The following ROBO1 variants were observed in gnomAD, a reference collection of about 807,000 sequenced individuals.
The protein encoded by ROBO1 is roundabout guidance receptor 1.
In ROBO1, 149 loss-of-function variants were observed where a neutral mutation model predicts 195.9. That is an observed-to-expected ratio of 0.76 (90% CI 0.67 to 0.87). ROBO1 has a LOEUF of 0.87. Among genes scored for constraint, ROBO1 ranks in the 40% least tolerant of loss-of-function variants. The probability of loss-of-function intolerance (pLI) is 0.00; values close to 1 mark genes in which losing one functional copy is unlikely to be tolerated. For missense variants in ROBO1, 1,933 were observed against 2,068.3 expected (o/e 0.93, Z 1.27); for synonymous variants, 816 against 733.2 (o/e 1.11, Z -1.82).
chr3:79,609,207 G>C (rs554999921), intron 1 of ROBO1, among the ~76,000 whole-genome samples: 4 of 151,020 alleles, frequency 2.6e-5, no homozygotes, highest in Non-Finnish European at 5.9e-5. Flanking sequence ...AAAAAGGCCC[G>C]CCTTACCAAA....
chr3:79,079,497 G>A (rs1258675481), intron 3 of ROBO1, among the ~76,000 whole-genome samples: 1 of 151,778 alleles, frequency 6.6e-6, no homozygotes, highest in Non-Finnish European at 1.5e-5. Flanking sequence ...AGAGACTGCT[G>A]TAATGTCAAA....
At chr3:78,751,095 A>G (rs1332209209) in intron 4 of ROBO1, among the ~76,000 whole-genome samples, 3 of 152,214 alleles carry the variant, frequency 2.0e-5, no homozygotes, top group Non-Finnish European at 2.9e-5. Context: ...CCACTATCCA[A>G]TCTTGGTAGG....
At chr3:79,550,976 A>G (rs751412803) in intron 2 of ROBO1, among the ~76,000 whole-genome samples, 6 of 152,096 alleles carry the variant, frequency 3.9e-5, no homozygotes, top group Non-Finnish European at 5.9e-5. Flanking sequence ...TGGGTTAGCT[A>G]TAAAAGAACC....
intron 8 of ROBO1, among the ~76,000 whole-genome samples, chr3:78,694,068 A>C (rs2081234724): frequency 6.6e-6 from 1 of 152,250 alleles, no homozygotes; most frequent in African/African-American, 2.4e-5. Flanking sequence ...GAAAAAAGTG[A>C]ATAAATTACA....
intron 4 of ROBO1, among the ~76,000 whole-genome samples, chr3:78,862,490 C>A (rs2034913183): frequency 6.6e-6 from 1 of 152,122 alleles, no homozygotes; most frequent in Non-Finnish European, 1.5e-5. Context: ...AGACTTCTGA[C>A]CTACATAAAT....
chr3:78,797,175 C>T (rs983077225), intron 4 of ROBO1, among the ~76,000 whole-genome samples: 17 of 152,134 alleles, frequency 1.1e-4, no homozygotes, highest in African/African-American at 3.6e-4. Flanking sequence ...AACTAGCCAT[C>T]GTACCTGCAT....
chr3:79,173,750 A>G (rs1257145810), intron 2 of ROBO1, among the ~76,000 whole-genome samples: 1 of 152,148 alleles, frequency 6.6e-6, no homozygotes, highest in Non-Finnish European at 1.5e-5. Flanking sequence ...CTGTGGCCCC[A>G]GTGCGGGATC....
At chr3:79,276,465 A>T (rs926110852) in intron 2 of ROBO1, among the ~76,000 whole-genome samples, 1 of 151,986 alleles carries the variant, frequency 6.6e-6, no homozygotes, top group African/African-American at 2.4e-5. Context: ...ACAAAAATCA[A>T]ATCAAAATGG....
At chr3:79,044,447 T>G (rs1183472147) in intron 3 of ROBO1, among the ~76,000 whole-genome samples, 2 of 152,170 alleles carry the variant, frequency 1.3e-5, no homozygotes, top group East Asian at 3.9e-4. Context: ...ATTATAGCAT[T>G]TATTACATGA....
chr3:78,730,307 C>T (rs1395489885), intron 5 of ROBO1, among the ~76,000 whole-genome samples: 1 of 64,470 alleles, frequency 1.6e-5, no homozygotes, highest in African/African-American at 3.0e-5. Flanking sequence ...CCAGAGACCA[C>T]GTATAACTTG....
chr3:78,705,272 T>G (rs915513461), intron 8 of ROBO1, among the ~76,000 whole-genome samples: 1 of 152,192 alleles, frequency 6.6e-6, no homozygotes, highest in African/African-American at 2.4e-5. Flanking sequence ...TTTAATTTAG[T>G]TTTGGAAGAA....
At chr3:78,705,028 T>C (rs1174740451) in intron 8 of ROBO1, among the ~76,000 whole-genome samples, 1 of 152,226 alleles carries the variant, frequency 6.6e-6, no homozygotes, top group Admixed American at 6.5e-5. Flanking sequence ...ACAGTATATC[T>C]AAATTTGTTT....
At chr3:79,631,271 CA>C (rs2108024759) in intron 1 of ROBO1, among the ~76,000 whole-genome samples, 1 of 151,928 alleles carries the variant, frequency 6.6e-6, no homozygotes, top group South Asian at 2.1e-4. Flanking sequence ...CAGTATGGTA[CA>C]AGTACAATTA....
At chr3:78,753,878 G>T (rs1203887162) in intron 4 of ROBO1, among the ~76,000 whole-genome samples, 1 of 152,144 alleles carries the variant, frequency 6.6e-6, no homozygotes, top group Non-Finnish European at 1.5e-5. Flanking sequence ...GTAACTTACT[G>T]TATGTTTGCA....
chr3:79,016,622 T>A (rs2077941838), intron 3 of ROBO1, among the ~76,000 whole-genome samples: 1 of 152,184 alleles, frequency 6.6e-6, no homozygotes. Flanking sequence ...CGACCAACTT[T>A]CAGTGATACC....
intron 2 of ROBO1, among the ~76,000 whole-genome samples, chr3:79,225,189 A>T (rs2108836940): frequency 6.6e-6 from 1 of 152,292 alleles, no homozygotes; most frequent in East Asian, 1.9e-4. Context: ...TAATAAAAAA[A>T]AATCCCCAGC....
At chr3:79,462,379 G>A (rs1383987971) in intron 2 of ROBO1, among the ~76,000 whole-genome samples, 1 of 152,178 alleles carries the variant, frequency 6.6e-6, no homozygotes, top group Non-Finnish European at 1.5e-5. Context: ...CACTTTCAAA[G>A]GCATGTTGGA....
At chr3:79,173,079 G>A (rs745853426) in intron 2 of ROBO1, among the ~76,000 whole-genome samples, 2 of 152,170 alleles carry the variant, frequency 1.3e-5, no homozygotes, top group Non-Finnish European at 2.9e-5. Flanking sequence ...TAACAGAAGT[G>A]CTTTACATGG....
At chr3:79,567,376 C>T (rs1943123040) in intron 2 of ROBO1, among the ~76,000 whole-genome samples, 1 of 152,028 alleles carries the variant, frequency 6.6e-6, no homozygotes, top group Non-Finnish European at 1.5e-5. Flanking sequence ...CACATCTATC[C>T]CTGAACTTAA....
Sources: gnomAD v4.1 joint callset for allele counts (sites outside exome capture counted in the v4.1 genomes callset) on GRCh38, gnomAD v4.1.1 for gene constraint, MANE v1.5 for transcripts, NCBI Gene and HGNC (gene_info 2026-07-23, HGNC 2026-07-21) for gene names.